NELL1: variants seen among roughly 807,000 people sequenced by gnomAD.
NELL1 encodes neural EGFL like 1.
In NELL1, 76 loss-of-function variants were observed where a neutral mutation model predicts 107.4. That is an observed-to-expected ratio of 0.71 (90% CI 0.59 to 0.86). The LOEUF is 0.86. NELL1 is among the 40% of genes least tolerant of loss of function. The probability of loss-of-function intolerance (pLI) is 0.00; values close to 1 mark genes in which losing one functional copy is unlikely to be tolerated. For synonymous variants in NELL1, 353 were observed against 341.2 expected, an observed-to-expected ratio of 1.03 and a Z score of -0.38; for missense variants, 1,024 against 1,005.5, an observed-to-expected ratio of 1.02 and a Z score of -0.25.
At chr11:21,171,508 T>C (rs973670390) in intron 13 of NELL1, among the ~76,000 whole-genome samples, 2 of 151,944 alleles carry the variant, frequency 1.3e-5, no homozygotes, top group Non-Finnish European at 2.9e-5. Flanking sequence ...AGTGTTTCTA[T>C]GTTATTAGCA....
At chr11:21,230,583 C>A (rs753725158) in intron 14 of NELL1, among the ~76,000 whole-genome samples, 1 of 152,172 alleles carries the variant, frequency 6.6e-6, no homozygotes, top group Non-Finnish European at 1.5e-5. Flanking sequence ...GATTGAGACA[C>A]AGAGAGGTTA....
chr11:21,392,824 T>G (rs566719918), intron 15 of NELL1, among the ~76,000 whole-genome samples: 1 of 151,124 alleles, frequency 6.6e-6, no homozygotes, highest in African/African-American at 2.4e-5. Context: ...ACAGAGACTT[T>G]CTGCAAAGAT....
intron 10 of NELL1, among the ~76,000 whole-genome samples, chr11:20,941,977 A>G (rs1850864453): frequency 6.6e-6 from 1 of 152,188 alleles, no homozygotes; most frequent in African/African-American, 2.4e-5. Flanking sequence ...AAGGTGACAG[A>G]AATCACTGTG....
chr11:20,844,107 C>A (rs1380224579), intron 3 of NELL1, among the ~76,000 whole-genome samples: 1 of 152,212 alleles, frequency 6.6e-6, no homozygotes, highest in Admixed American at 6.5e-5. Context: ...GATAGTGTCA[C>A]TGTACTTTGC....
At chr11:20,720,011 C>G (rs898671309) in intron 2 of NELL1, among the ~76,000 whole-genome samples, 1 of 152,104 alleles carries the variant, frequency 6.6e-6, no homozygotes, top group Admixed American at 6.5e-5. Flanking sequence ...TGACTTAATC[C>G]TTGCCTCAAG....
chr11:20,872,493 A>G (rs1849221109), intron 4 of NELL1, among the ~76,000 whole-genome samples: 1 of 152,132 alleles, frequency 6.6e-6, no homozygotes, highest in East Asian at 1.9e-4. Context: ...GGCACCTATA[A>G]GTCTGATTTC....
intron 2 of NELL1, among the ~76,000 whole-genome samples, chr11:20,714,194 ATTTTT>A (rs34441596): frequency 0.011 from 663 of 61,758 alleles, 6 homozygotes; most frequent in African/African-American, 0.039. Context: ...TATCTCCCCG[ATTTTT>A]TTTTTTTTTT....
intron 3 of NELL1, among the ~76,000 whole-genome samples, chr11:20,816,258 A>G (rs543180412): frequency 6.6e-6 from 1 of 152,300 alleles, no homozygotes; most frequent in African/African-American, 2.4e-5. Flanking sequence ...CCATTTAAAC[A>G]ATGTTGATTC....
chr11:21,278,240 A>G (rs575203424), intron 14 of NELL1, among the ~76,000 whole-genome samples: 2 of 152,326 alleles, frequency 1.3e-5, no homozygotes, highest in East Asian at 1.9e-4. Flanking sequence ...AGGCAAGTAT[A>G]TCCCCTCTTA....
At chr11:21,278,252 C>T (rs1456096074) in intron 14 of NELL1, among the ~76,000 whole-genome samples, 1 of 152,076 alleles carries the variant, frequency 6.6e-6, no homozygotes, top group Non-Finnish European at 1.5e-5. Context: ...CCCCTCTTAC[C>T]ACTGTTTTTT....
intron 2 of NELL1, among the ~76,000 whole-genome samples, chr11:20,683,953 A>T (rs1427698195): frequency 6.7e-6 from 1 of 149,698 alleles, no homozygotes; most frequent in Non-Finnish European, 1.5e-5. Flanking sequence ...TGTTTCTTGC[A>T]TATGAGATCT....
rs1397055393 is a variant in NELL1 at position 21,519,725 on chromosome 11, A to T, written c.1646-14649A>T. 2.6e-5 allele frequency among the ~76,000 whole-genome samples: 4 copies of T among 151,944 alleles called. No individual in the cohort carries two copies. In the East Asian group the frequency reaches 7.7e-4, roughly 29 times the overall value. On this transcript the variant is annotated intron_variant, in intron 15 of 19. Coordinates refer to ENST00000357134, the MANE Select transcript of NELL1 (RefSeq NM_006157.5). ...GGGAATGTACAGCCGCTACCACTCT[A>T]CTGGCTAAAATTGACTGAAACGTAC... is the stretch of plus-strand genomic sequence containing the variant.
chr11:21,341,942 G>T (rs536478889), intron 14 of NELL1, among the ~76,000 whole-genome samples: 1 of 152,154 alleles, frequency 6.6e-6, no homozygotes, highest in African/African-American at 2.4e-5. Context: ...ACATAAACTT[G>T]TTTATGTGTA....
chr11:20,889,638 A>C (rs1227165026), intron 5 of NELL1, among the ~76,000 whole-genome samples: 3 of 152,232 alleles, frequency 2.0e-5, no homozygotes, highest in Non-Finnish European at 4.4e-5. Context: ...AATATTAAAA[A>C]TATTGACAAT....
chr11:20,721,192 TA>T (rs369230653), intron 2 of NELL1, among the ~76,000 whole-genome samples: 374 of 140,616 alleles, frequency 2.7e-3, no homozygotes, highest in East Asian at 0.014. Flanking sequence ...TATATATATA[TA>T]TATAGTGTAT....
At position 21,016,220 on chromosome 11, in the gene NELL1, A is replaced by G. The variant is rs74572326; in HGVS notation, c.1300+55660A>G. Among the ~76,000 whole-genome samples, 869 of 152,232 alleles carry G rather than the reference A, an allele frequency of 5.7e-3. 12 individuals carry two copies. Among genetic ancestry groups the G allele is most frequent in the African/African-American group, 0.02 (825 of 41,560 alleles). On this transcript the variant is annotated intron_variant, in intron 12 of 19. Coordinates refer to ENST00000357134, the MANE Select transcript of NELL1 (RefSeq NM_006157.5). ...TAACATGCTTTGTTTTAAATGACAA[A>G]TCAGCTTTGGCTTAATTCATTCACT...
chr11:21,262,098 C>T lies in NELL1; in HGVS notation c.1549+32644C>T, dbSNP rs190259835. On this transcript the variant is annotated intron_variant, in intron 14 of 19. Transcript: ENST00000357134. ...CTTCGTTCCTCTTGTCATTAAGAAT[C>T]ATCTAATTTATTAATCTTATTATTT... Among the ~76,000 whole-genome samples, 1,067 of 151,898 alleles carry T rather than the reference C, an allele frequency of 7.0e-3. 14 individuals carry two copies. Among genetic ancestry groups the T allele is most frequent in the African/African-American group, 0.025 (1,038 of 41,486 alleles).
intron 12 of NELL1, among the ~76,000 whole-genome samples, chr11:20,976,975 T>A (rs1211507497): frequency 6.6e-6 from 1 of 152,070 alleles, no homozygotes; most frequent in Non-Finnish European, 1.5e-5. Flanking sequence ...GAATCATAAT[T>A]AAGAAGAGAA....
chr11:21,433,228 A>G (rs1853013648), intron 15 of NELL1, among the ~76,000 whole-genome samples: 1 of 152,178 alleles, frequency 6.6e-6, no homozygotes, highest in Non-Finnish European at 1.5e-5. Flanking sequence ...TTATGGCTAA[A>G]TAGTATTCCA....
Sources: allele counts gnomAD v4.1 joint callset (sites outside exome capture counted in the v4.1 genomes callset), GRCh38; gene constraint gnomAD v4.1.1; transcripts MANE v1.5; gene names NCBI Gene and HGNC (gene_info 2026-07-23, HGNC 2026-07-21).